ARHGAP32: variants seen among roughly 807,000 people sequenced by gnomAD.
The protein encoded by ARHGAP32 is rho GTPase-activating protein 32.
In ARHGAP32, 51 loss-of-function variants were observed where a neutral mutation model predicts 186.5. The ratio of observed to expected loss-of-function variants is 0.27; its 90% confidence interval spans 0.22 to 0.35. The LOEUF (loss-of-function observed/expected upper bound fraction) is 0.35, where lower values mean the gene tolerates loss of function less well. Among genes scored for constraint, ARHGAP32 ranks in the 10% least tolerant of loss-of-function variants. The probability of loss-of-function intolerance (pLI) is 1.00; values close to 1 mark genes in which losing one functional copy is unlikely to be tolerated. For missense variants in ARHGAP32, 2,186 were observed against 2,623.5 expected, an observed-to-expected ratio of 0.83 and a Z score of 3.64; for synonymous variants, 950 against 964.3, an observed-to-expected ratio of 0.99 and a Z score of 0.27.
intron 1 of ARHGAP32, among the ~76,000 whole-genome samples, chr11:129,173,208 A>G (rs756814535): frequency 1.3e-5 from 2 of 152,108 alleles, no homozygotes; most frequent in Non-Finnish European, 2.9e-5. Flanking sequence ...TAGAAAATCT[A>G]GAAGAAATGG....
intron 1 of ARHGAP32, among the ~76,000 whole-genome samples, chr11:129,239,726 T>C (rs958655698): frequency 6.6e-6 from 1 of 152,296 alleles, no homozygotes. Flanking sequence ...ATATGCTCTA[T>C]ACTATTCCAC....
At chr11:129,044,499 G>A (rs1369078419) in intron 10 of ARHGAP32, among the ~76,000 whole-genome samples, 2 of 152,092 alleles carry the variant, frequency 1.3e-5, no homozygotes, top group African/African-American at 4.8e-5. Context: ...GGAACACTAA[G>A]CATAAATGGG....
At chr11:129,139,891 G>A (rs951773068) in intron 2 of ARHGAP32, among the ~76,000 whole-genome samples, 1 of 152,186 alleles carries the variant, frequency 6.6e-6, no homozygotes, top group African/African-American at 2.4e-5. Context: ...ATGTAAGACT[G>A]TGGTAGGCAA....
At chr11:129,002,953 C>A (rs1284082420) in intron 11 of ARHGAP32, among the ~76,000 whole-genome samples, 1 of 151,284 alleles carries the variant, frequency 6.6e-6, no homozygotes, top group East Asian at 1.9e-4. Flanking sequence ...GGACTACAGG[C>A]ACCCGCCACT....
upstream of ARHGAP32, among the ~76,000 whole-genome samples, chr11:129,279,551 C>G (rs1429420744): frequency 6.8e-6 from 1 of 146,286 alleles, no homozygotes; most frequent in Admixed American, 6.8e-5. Flanking sequence ...CGTGCCCCCG[C>G]CGGAGCCCGC....
intron 5 of ARHGAP32, among the ~76,000 whole-genome samples, chr11:129,106,040 G>A (rs1280202905): frequency 6.6e-6 from 1 of 152,184 alleles, no homozygotes; most frequent in Non-Finnish European, 1.5e-5. Context: ...TGAGGCTGCA[G>A]AGAAAAGGAA....
At chr11:129,256,725 T>G (rs755353279) in intron 1 of ARHGAP32, among the ~76,000 whole-genome samples, 18 of 152,138 alleles carry the variant, frequency 1.2e-4, no homozygotes, top group Non-Finnish European at 2.1e-4. Context: ...ATAACGGGCA[T>G]GTAAATTATC....
intron 2 of ARHGAP32, among the ~76,000 whole-genome samples, chr11:129,128,660 T>C (rs1315474997): frequency 1.5e-5 from 2 of 136,406 alleles, no homozygotes; most frequent in Admixed American, 7.9e-5. Context: ...ACTGCCGCCA[T>C]CTCGGCTCAC....
intron 15 of ARHGAP32, among the ~76,000 whole-genome samples, chr11:128,982,500 T>TGTGC (rs1257204641): frequency 1.3e-5 from 2 of 151,920 alleles, no homozygotes; most frequent in Non-Finnish European, 2.9e-5. Context: ...TGTGTGTGTG[T>TGTGC]GTGTGTGTCT....
intron 10 of ARHGAP32, among the ~76,000 whole-genome samples, chr11:129,046,863 G>A (rs368832518): frequency 3.2e-4 from 49 of 152,230 alleles, no homozygotes; most frequent in East Asian, 1.2e-3. Context: ...GGTGGCTCAC[G>A]CCTGTAATCC....
chr11:129,126,360 CCT>C (rs568099378), intron 2 of ARHGAP32, among the ~76,000 whole-genome samples: 10 of 152,208 alleles, frequency 6.6e-5, no homozygotes, highest in African/African-American at 2.4e-4. Flanking sequence ...TTCGCAAACC[CCT>C]GTCCTACAAA....
At chr11:129,260,942 T>A (rs1231815493) in intron 1 of ARHGAP32, among the ~76,000 whole-genome samples, 2 of 152,100 alleles carry the variant, frequency 1.3e-5, no homozygotes, top group Admixed American at 1.3e-4. Flanking sequence ...AGAACAAAGA[T>A]AAGAAACAGT....
At chr11:129,011,787 T>C (rs1403499264) in intron 11 of ARHGAP32, among the ~76,000 whole-genome samples, 1 of 152,114 alleles carries the variant, frequency 6.6e-6, no homozygotes, top group Non-Finnish European at 1.5e-5. Context: ...GGAGGATCTC[T>C]ACCTACTGAT....
exon 1 of ARHGAP32, chr11:129,279,167 G>A (rs12277546): frequency 0.02 from 2,946 of 144,872 alleles, 53 homozygotes; most frequent in African/African-American, 0.043. Flanking sequence ...GCCCCGCCGC[G>A]CCGCCGCGGC....
At chr11:129,174,489 G>C (rs1313290242) in intron 1 of ARHGAP32, among the ~76,000 whole-genome samples, 1 of 152,326 alleles carries the variant, frequency 6.6e-6, no homozygotes, top group South Asian at 2.1e-4. Flanking sequence ...TCTGGGGGCA[G>C]GGCACAGACA....
chr11:129,039,665 C>A (rs997139839), intron 11 of ARHGAP32, among the ~76,000 whole-genome samples: 1 of 152,078 alleles, frequency 6.6e-6, no homozygotes, highest in African/African-American at 2.4e-5. Flanking sequence ...GCTGCACAAC[C>A]CTGTTACACA....
At chr11:129,145,206 G>A (rs1943143519) in intron 2 of ARHGAP32, among the ~76,000 whole-genome samples, 1 of 151,902 alleles carries the variant, frequency 6.6e-6, no homozygotes, top group African/African-American at 2.4e-5. Context: ...ACTTTATTAT[G>A]GTAAGTTATT....
At chr11:129,226,245 T>C (rs1050452202) in intron 1 of ARHGAP32, among the ~76,000 whole-genome samples, 2 of 152,122 alleles carry the variant, frequency 1.3e-5, no homozygotes, top group African/African-American at 4.8e-5. Flanking sequence ...GGCCAAAACC[T>C]TTACAACTTT....
At chr11:129,199,636 G>A (rs1944435322) in intron 1 of ARHGAP32, among the ~76,000 whole-genome samples, 1 of 152,258 alleles carries the variant, frequency 6.6e-6, no homozygotes, top group South Asian at 2.1e-4. Context: ...ACACCTAGAT[G>A]TCCAGGCAGA....
Sources: allele counts gnomAD v4.1 joint callset (sites outside exome capture counted in the v4.1 genomes callset), GRCh38; gene constraint gnomAD v4.1.1; transcripts MANE v1.5; gene names NCBI Gene and HGNC (gene_info 2026-07-23, HGNC 2026-07-21).